Variants in FBXL13 observed in about 807,000 individuals in gnomAD.
The protein encoded by FBXL13 is F-box and leucine-rich repeat protein 13.
A neutral mutation model predicts 83.6 loss-of-function variants in FBXL13; 67 were observed. The ratio of observed to expected loss-of-function variants is 0.80; its 90% CI spans 0.66 to 0.98. FBXL13 has a LOEUF of 0.98. Ranked by LOEUF, FBXL13 falls within the 50% of genes least tolerant of loss-of-function variation. FBXL13 has a pLI of 0.00. For synonymous variants in FBXL13, 272 were observed against 299.5 expected (o/e 0.91, Z 0.95); for missense variants, 822 against 866.5 (o/e 0.95, Z 0.64).
intron 6 of FBXL13, among the ~76,000 whole-genome samples, chr7:102,968,700 G>T (rs1273723079): frequency 6.6e-6 from 1 of 152,162 alleles, no homozygotes; most frequent in East Asian, 1.9e-4. Flanking sequence ...TGTCAAGAAA[G>T]TAAAACAAAT....
At chr7:102,893,813 T>TGGGGGAGGGGGAGAAGAA (rs1811857232) in intron 11 of FBXL13, among the ~76,000 whole-genome samples, 1 of 78,890 alleles carries the variant, frequency 1.3e-5, no homozygotes, top group Non-Finnish European at 2.5e-5. Flanking sequence ...GAGGAGGGAA[T>TGGGGGAGGGGGAGAAGAA]GGGGGAGGGG....
chr7:102,876,031 G>A (rs1809197604), intron 16 of FBXL13, among the ~76,000 whole-genome samples: 1 of 152,182 alleles, frequency 6.6e-6, no homozygotes. Flanking sequence ...GAGTCACCCT[G>A]TAGCAGAGCA....
At chr7:102,984,626 A>AT (rs1172704373) in intron 6 of FBXL13, among the ~76,000 whole-genome samples, 7 of 152,176 alleles carry the variant, frequency 4.6e-5, no homozygotes, top group Non-Finnish European at 1.0e-4. Context: ...CTTAATTGAT[A>AT]TTTTTTTAAT....
chr7:102,997,215 A>T (rs981481506), intron 6 of FBXL13, among the ~76,000 whole-genome samples: 3 of 152,190 alleles, frequency 2.0e-5, no homozygotes, highest in African/African-American at 7.2e-5. Flanking sequence ...CGCGGAAAAC[A>T]TTCATGCTTT....
intron 16 of FBXL13, among the ~76,000 whole-genome samples, chr7:102,855,244 T>C (rs1428683122): frequency 2.6e-5 from 4 of 152,200 alleles, no homozygotes; most frequent in African/African-American, 9.6e-5. Context: ...TAATATATTT[T>C]TATTTATGCC....
intron 6 of FBXL13, among the ~76,000 whole-genome samples, chr7:102,996,848 A>G (rs1266362498): frequency 6.6e-6 from 1 of 152,174 alleles, no homozygotes; most frequent in African/African-American, 2.4e-5. Flanking sequence ...GAAAGACTTC[A>G]TTTTTATTGG....
chr7:103,027,194 G>A (rs894352359), intron 5 of FBXL13, among the ~76,000 whole-genome samples: 1 of 152,026 alleles, frequency 6.6e-6, no homozygotes, highest in Non-Finnish European at 1.5e-5. Context: ...TACTCAGGAG[G>A]CTGAGGCAGG....
At chr7:102,924,461 A>G (rs1046938147) in intron 10 of FBXL13, among the ~76,000 whole-genome samples, 4 of 152,090 alleles carry the variant, frequency 2.6e-5, no homozygotes, top group Non-Finnish European at 5.9e-5. Context: ...GACTGTGTGT[A>G]AGAGCATCAG....
At position 103,003,278 on chromosome 7, in the gene FBXL13, GTTTTTTTTT is replaced by G. The variant is rs563726626; in HGVS notation, c.495+21776_495+21784del. ...TTGTTGTTGTTGTTGTTGTTTTGGG[GTTTTTTTTT>G]TTTTTTTTTTTTTTTTTTGAGACAG... is the stretch of plus-strand genomic sequence containing the variant. On this transcript the variant is annotated intron_variant, in intron 6 of 19. Transcript: ENST00000313221. Among the ~76,000 whole-genome samples the G allele has an allele frequency of 5.3e-5, 4 of 75,924 alleles. No individual in the cohort carries two copies. The East Asian group carries it at 1.2e-3, about 23-fold the overall frequency. The allele number at this position is 75,924 out of a possible 152,430, so 49.8% of individuals were successfully genotyped here.
At chr7:102,813,491 CCTG>C (rs770367321) in exon 20 of FBXL13, 16 of 1,613,968 alleles carry the variant, frequency 9.9e-6, no homozygotes, top group Non-Finnish European at 1.3e-5. Context: ...GTGTTGTATT[CCTG>C]CTGCTGAACT....
At chr7:103,008,288 G>A (rs1309843192) in intron 6 of FBXL13, among the ~76,000 whole-genome samples, 3 of 152,118 alleles carry the variant, frequency 2.0e-5, no homozygotes, top group African/African-American at 7.2e-5. Flanking sequence ...AAGGAGACAC[G>A]ACAACCAATT....
chr7:102,831,836 T>C (rs1800757799), intron 18 of FBXL13, among the ~76,000 whole-genome samples: 1 of 152,144 alleles, frequency 6.6e-6, no homozygotes, highest in African/African-American at 2.4e-5. Context: ...GGGCCCTCAC[T>C]CTTCATCTCT....
intron 17 of FBXL13, among the ~76,000 whole-genome samples, chr7:102,851,553 TTC>T (rs10602252): frequency 0.22 from 30,927 of 143,246 alleles, 3,515 homozygotes; most frequent in East Asian, 0.43. Flanking sequence ...TTCCTTCTTC[TTC>T]TCTCTCTCTC....
intron 8 of FBXL13, among the ~76,000 whole-genome samples, chr7:102,954,713 G>A (rs56336567): frequency 0.2 from 31,055 of 151,568 alleles, 3,583 homozygotes; most frequent in African/African-American, 0.32. Flanking sequence ...CCAAGCAAAC[G>A]GAAAGCAAAA....
At chr7:102,854,246 T>A (rs530540868) in intron 17 of FBXL13, among the ~76,000 whole-genome samples, 22 of 152,150 alleles carry the variant, frequency 1.4e-4, no homozygotes, top group Admixed American at 5.9e-4. Context: ...TTGGAAATCA[T>A]CATTCTCAGT....
At chr7:102,822,901 A>G (rs1799004281) in intron 18 of FBXL13, among the ~76,000 whole-genome samples, 1 of 152,098 alleles carries the variant, frequency 6.6e-6, no homozygotes, top group African/African-American at 2.4e-5. Flanking sequence ...GAAACTCCCA[A>G]AAATACAAAA....
intron 6 of FBXL13, among the ~76,000 whole-genome samples, chr7:102,979,874 T>C (rs1016763312): frequency 2.6e-5 from 4 of 152,198 alleles, no homozygotes; most frequent in African/African-American, 9.6e-5. Context: ...CATCCCATGT[T>C]CATGGATTGG....
At chr7:102,893,938 AAG>A (rs1240054397) in intron 11 of FBXL13, among the ~76,000 whole-genome samples, 2 of 128,034 alleles carry the variant, frequency 1.6e-5, no homozygotes, top group South Asian at 2.5e-4. Flanking sequence ...GAGACAGAGA[AAG>A]AGAAAGAAAG....
At chr7:102,845,692 C>G (rs1803812222) in intron 17 of FBXL13, among the ~76,000 whole-genome samples, 1 of 152,212 alleles carries the variant, frequency 6.6e-6, no homozygotes, top group African/African-American at 2.4e-5. Flanking sequence ...CTCCCTGTTA[C>G]TTCCCTTGTT....
Sources: gnomAD v4.1 joint callset for allele counts (sites outside exome capture counted in the v4.1 genomes callset) on GRCh38, gnomAD v4.1.1 for gene constraint, MANE v1.5 for transcripts, NCBI Gene and HGNC (gene_info 2026-07-23, HGNC 2026-07-21) for gene names.